Variants in TBXAS1 observed in about 807,000 individuals in gnomAD.
The protein encoded by TBXAS1 is thromboxane A synthase 1, also known as thromboxane-A synthase.
A neutral mutation model predicts 60.7 loss-of-function variants in TBXAS1; 48 were observed. The observed-to-expected ratio is 0.79, with a 90% CI of 0.63 to 1.01. The LOEUF (loss-of-function observed/expected upper bound fraction) is 1.01. TBXAS1 is among the 50% of genes least tolerant of loss of function. The probability of loss-of-function intolerance (pLI) is 0.00; values close to 1 mark genes in which losing one functional copy is unlikely to be tolerated. For synonymous variants in TBXAS1, 287 were observed against 269.7 expected, an observed-to-expected ratio of 1.06 and a Z score of -0.63; for missense variants, 685 against 686.3, an observed-to-expected ratio of 1.00 and a Z score of 0.02.
intron 5 of TBXAS1, among the ~76,000 whole-genome samples, chr7:139,943,521 T>G (rs1423096360): frequency 6.6e-6 from 1 of 152,256 alleles, no homozygotes; most frequent in African/African-American, 2.4e-5. Flanking sequence ...AATGTCACTC[T>G]GACTTGCCGC....
At chr7:139,957,833 CT>C (rs1809998576) in intron 8 of TBXAS1, 69 bp downstream of exon 8, 1 of 1,604,746 alleles carries the variant, frequency 6.2e-7, no homozygotes, top group Non-Finnish European at 8.5e-7. Context: ...TGTCTCTGCT[CT>C]TTCTCTTCCC....
At chr7:139,840,699 G>A (rs994192426) in intron 1 of TBXAS1, among the ~76,000 whole-genome samples, 1 of 152,172 alleles carries the variant, frequency 6.6e-6, no homozygotes, top group Non-Finnish European at 1.5e-5. Flanking sequence ...GAGGTTCCAG[G>A]GTTGACGTAT....
In TBXAS1 at chr7:139,852,062, A is replaced by G. The variant is rs773524960; in HGVS notation, c.90-20173A>G. 5.3e-5 allele frequency among the ~76,000 whole-genome samples: 8 copies of G among 152,236 alleles called. No homozygotes were observed. Among genetic ancestry groups the G allele is most frequent in the Non-Finnish European group, 5.9e-5 (4 of 68,034 alleles). On this transcript the variant is annotated intron_variant, in intron 1 of 12. Coordinates refer to ENST00000448866, the MANE Select transcript of TBXAS1 (RefSeq NM_001061.7). The surrounding 1 kb of genome is among the most constrained non-coding windows in gnomAD (Gnocchi z 4.4). ...AGAGGCTCATATGGCAAAGCCAGCT[A>G]CAGCTCCATAAGCAAGCATGGACAC...
chr7:139,890,255 G>A (rs1209103967), intron 3 of TBXAS1, among the ~76,000 whole-genome samples: 1 of 117,262 alleles, frequency 8.5e-6, no homozygotes, highest in Admixed American at 1.2e-4. Flanking sequence ...TCGTTTTGTC[G>A]CCCAGGCTGG....
intron 4 of TBXAS1, among the ~76,000 whole-genome samples, chr7:139,912,911 G>A (rs550913351): frequency 5.9e-5 from 9 of 152,274 alleles, no homozygotes; most frequent in African/African-American, 1.7e-4. Flanking sequence ...GGCTTAACAC[G>A]AGGAAGAGCA....
chr7:140,017,552 GCTC>G (rs1815175697), intron 11 of TBXAS1, 116 bp from the exon 12 acceptor site: 2 of 1,353,552 alleles, frequency 1.5e-6, no homozygotes, highest in Non-Finnish European at 2.0e-6. Flanking sequence ...GCAGCCATCA[GCTC>G]CCAGAGCCTT....
intron 9 of TBXAS1, among the ~76,000 whole-genome samples, chr7:139,973,430 C>T (rs992283334): frequency 6.6e-6 from 1 of 152,142 alleles, no homozygotes; most frequent in African/African-American, 2.4e-5. Context: ...GAAAATGAGT[C>T]TAGAATAAGG....
intron 5 of TBXAS1, among the ~76,000 whole-genome samples, chr7:139,941,059 C>T (rs1808252314): frequency 6.6e-6 from 1 of 152,176 alleles, no homozygotes; most frequent in African/African-American, 2.4e-5. Context: ...TAGGAGATAG[C>T]TCAGAGACTC....
At position 139,852,935 on chromosome 7, in the gene TBXAS1, TACACACACACACACAC is replaced by T. The variant is rs57545948; in HGVS notation, c.90-19260_90-19245del. ...TGTGTACCAACCTTGGCTACTCCAA[TACACACACACACACAC>T]ACACACACACACACACACACACACA... On this transcript the variant is annotated intron_variant, in intron 1 of 12. Transcript: ENST00000448866. The surrounding 1 kb of genome is among the most constrained non-coding windows in gnomAD (Gnocchi z 4.4). Among the ~76,000 whole-genome samples the T allele has an allele frequency of 0.15, 18,931 of 127,456 alleles. 1,374 individuals carry two copies. The highest frequency in any genetic ancestry group is 0.32 in the South Asian group (1,143 of 3,558). 83.6% of individuals were successfully genotyped at this position (127,456 alleles called of 152,430 possible).
chr7:139,953,475 A>G lies in TBXAS1; in HGVS notation c.539+19A>G, dbSNP rs758130050. On this transcript the variant is annotated intron_variant, in intron 6 of 12. Transcript: ENST00000448866. Reference sequence around the variant, plus strand: ...TCCAGAGGTAAGGCTGCTGCATTACAGATGAGAAATCGAGTTTTTGAATCA... The same window carrying G: ...TCCAGAGGTAAGGCTGCTGCATTACGGATGAGAAATCGAGTTTTTGAATCA... 2.5e-6 allele frequency: 4 copies of G among 1,610,510 alleles called. No homozygotes were observed. Among genetic ancestry groups the G allele is most frequent in the South Asian group, 2.2e-5 (2 of 91,024 alleles).
chr7:139,797,203 T>G (rs2116340734), intron 4 of TBXAS1: 1 of 152,384 alleles, frequency 6.6e-6, no homozygotes, highest in South Asian at 2.1e-4. Context: ...TTTTGTATTT[T>G]TCACAGAAGC....
intron 3 of TBXAS1, among the ~76,000 whole-genome samples, chr7:139,900,049 C>G (rs1054826638): frequency 1.3e-5 from 2 of 152,178 alleles, no homozygotes; most frequent in Admixed American, 6.5e-5. Flanking sequence ...TAGAATGAAG[C>G]CTGGTCAATA....
At chr7:139,923,244 T>C (rs1806616096) in intron 4 of TBXAS1, among the ~76,000 whole-genome samples, 1 of 152,038 alleles carries the variant, frequency 6.6e-6, no homozygotes, top group Non-Finnish European at 1.5e-5. Context: ...AGAAAATTGC[T>C]TAAGCCCAGG....
At chr7:139,918,566 T>C (rs1584852553) in intron 4 of TBXAS1, among the ~76,000 whole-genome samples, 1 of 152,186 alleles carries the variant, frequency 6.6e-6, no homozygotes, top group East Asian at 1.9e-4. Flanking sequence ...AGCCCCCAGA[T>C]TCCCTTCCCC....
At chr7:139,834,914 T>C (rs1439716633) in intron 1 of TBXAS1, among the ~76,000 whole-genome samples, 1 of 152,074 alleles carries the variant, frequency 6.6e-6, no homozygotes, top group African/African-American at 2.4e-5. Flanking sequence ...TACCAATACT[T>C]TTGACACTAT....
intron 1 of TBXAS1, among the ~76,000 whole-genome samples, chr7:139,837,680 A>T (rs1799159008): frequency 6.6e-6 from 1 of 152,222 alleles, no homozygotes; most frequent in African/African-American, 2.4e-5. Context: ...AGAGGTAGGC[A>T]AGGGATAAAA....
chr7:139,940,285 C>T (rs1345079326), intron 5 of TBXAS1, among the ~76,000 whole-genome samples: 2 of 152,136 alleles, frequency 1.3e-5, no homozygotes, highest in African/African-American at 2.4e-5. Flanking sequence ...TCCTATATTC[C>T]TCCCCAAAAC....
At chr7:140,016,115 T>C (rs1317512007) in intron 11 of TBXAS1, among the ~76,000 whole-genome samples, 4 of 151,938 alleles carry the variant, frequency 2.6e-5, no homozygotes, top group South Asian at 4.2e-4. Flanking sequence ...GATCACGAGG[T>C]CAGGAGATCG....
At chr7:139,919,676 G>A (rs996469213) in intron 4 of TBXAS1, among the ~76,000 whole-genome samples, 2 of 152,194 alleles carry the variant, frequency 1.3e-5, no homozygotes, top group Admixed American at 6.5e-5. Context: ...GGAGCCAGTG[G>A]TTCTTGTGTG....
Sources: allele counts gnomAD v4.1 joint callset (sites outside exome capture counted in the v4.1 genomes callset), GRCh38; gene constraint gnomAD v4.1.1; non-coding constraint Gnocchi (gnomAD v3.1); transcripts MANE v1.5; gene names NCBI Gene and HGNC (gene_info 2026-07-23, HGNC 2026-07-21).